Variants in IQCM observed in about 807,000 individuals in gnomAD.
The protein encoded by IQCM is IQ motif containing M.
Under a neutral mutation model 57.6 loss-of-function variants are expected in IQCM, and 45 were observed. The observed-to-expected ratio is 0.78, with a 90% CI of 0.62 to 1.00. The LOEUF (loss-of-function observed/expected upper bound fraction) is 1.00. Ranked by LOEUF, IQCM falls within the 50% of genes least tolerant of loss-of-function variation. The pLI is 0.00. For synonymous variants in IQCM, 148 were observed against 158.9 expected (o/e 0.93, Z 0.51); for missense variants, 468 against 511.6 (o/e 0.91, Z 0.82).
intron 12 of IQCM, among the ~76,000 whole-genome samples, chr4:149,498,393 A>G (rs1579269975): frequency 6.6e-6 from 1 of 152,130 alleles, no homozygotes; most frequent in African/African-American, 2.4e-5. Flanking sequence ...CATCACTTCC[A>G]TTATGGTGTG....
At chr4:149,474,944 G>A (rs1009706801) in intron 12 of IQCM, among the ~76,000 whole-genome samples, 1 of 151,840 alleles carries the variant, frequency 6.6e-6, no homozygotes, top group African/African-American at 2.4e-5. Flanking sequence ...ATAAGAGTTG[G>A]AGTCAGAGTG....
intron 2 of IQCM, among the ~76,000 whole-genome samples, chr4:149,807,012 G>T (rs1171613784): frequency 6.6e-6 from 1 of 151,428 alleles, no homozygotes; most frequent in African/African-American, 2.4e-5. Context: ...AATTGAAGAG[G>T]ACACAAAAAA....
At chr4:149,701,607 C>G (rs147526423) in intron 5 of IQCM, among the ~76,000 whole-genome samples, 49 of 152,112 alleles carry the variant, frequency 3.2e-4, no homozygotes, top group African/African-American at 1.0e-3. Context: ...GTCTCACACG[C>G]TCTGGCACTT....
chr4:149,582,778 A>G (rs1752327797), intron 9 of IQCM, among the ~76,000 whole-genome samples: 1 of 151,692 alleles, frequency 6.6e-6, no homozygotes. Flanking sequence ...AGAAGAATCA[A>G]TTGACAAAAG....
At chr4:149,466,306 G>T (rs567986399) in intron 12 of IQCM, among the ~76,000 whole-genome samples, 1 of 152,202 alleles carries the variant, frequency 6.6e-6, no homozygotes, top group South Asian at 2.1e-4. Context: ...CATAATTGAG[G>T]TCTAACAATA....
chr4:149,735,076 T>G (rs1468234206), intron 4 of IQCM, among the ~76,000 whole-genome samples: 4 of 152,170 alleles, frequency 2.6e-5, no homozygotes, highest in African/African-American at 4.8e-5. Flanking sequence ...AAAGGGATAT[T>G]TATGTGACAT....
chr4:149,570,072 A>G (rs1751014714), intron 9 of IQCM, among the ~76,000 whole-genome samples: 2 of 152,018 alleles, frequency 1.3e-5, no homozygotes, highest in African/African-American at 2.4e-5. Flanking sequence ...CATATATATA[A>G]TAAGTTAATA....
At chr4:149,638,838 C>G (rs1579805237) in intron 7 of IQCM, among the ~76,000 whole-genome samples, 1 of 152,188 alleles carries the variant, frequency 6.6e-6, no homozygotes, top group South Asian at 2.1e-4. Flanking sequence ...GAAATACTAA[C>G]CTGGACAGAA....
chr4:149,367,439 T>C (rs1729920693), intron 13 of IQCM, among the ~76,000 whole-genome samples: 1 of 151,992 alleles, frequency 6.6e-6, no homozygotes, highest in African/African-American at 2.4e-5. Flanking sequence ...TATCATACTA[T>C]TCACATTTTG....
At chr4:149,491,203 G>C (rs981711772) in intron 12 of IQCM, among the ~76,000 whole-genome samples, 2 of 151,916 alleles carry the variant, frequency 1.3e-5, no homozygotes, top group Admixed American at 6.6e-5. Flanking sequence ...TATTGTGTAT[G>C]TGTTGTTTTG....
chr4:149,672,975 A>G (rs545357702), intron 7 of IQCM, among the ~76,000 whole-genome samples: 3 of 152,336 alleles, frequency 2.0e-5, no homozygotes, highest in South Asian at 4.1e-4. Flanking sequence ...AATATTCAAC[A>G]TTATTAAATA....
intron 13 of IQCM, among the ~76,000 whole-genome samples, chr4:149,387,020 T>C (rs951673302): frequency 2.0e-5 from 3 of 152,084 alleles, no homozygotes; most frequent in Admixed American, 2.0e-4. Flanking sequence ...CTAAAATAGA[T>C]ATGGATTCGA....
At chr4:149,803,810 T>C (rs1177160886) in intron 2 of IQCM, among the ~76,000 whole-genome samples, 1 of 152,022 alleles carries the variant, frequency 6.6e-6, no homozygotes, top group Admixed American at 6.6e-5. Flanking sequence ...ATTTCTTAAA[T>C]AGGGTCTGAG....
At chr4:149,545,920 T>A (rs1396622478) in intron 12 of IQCM, among the ~76,000 whole-genome samples, 2 of 152,166 alleles carry the variant, frequency 1.3e-5, no homozygotes, top group Non-Finnish European at 2.9e-5. Context: ...CTGCACCCGT[T>A]AACTCGTCCT....
intron 12 of IQCM, among the ~76,000 whole-genome samples, chr4:149,535,456 G>C (rs549624965): frequency 6.6e-6 from 1 of 151,858 alleles, no homozygotes; most frequent in African/African-American, 2.4e-5. Flanking sequence ...GTGGCTCTCC[G>C]CATGTTACGA....
chr4:149,414,303 C>A (rs559331740), intron 13 of IQCM, among the ~76,000 whole-genome samples: 24 of 152,258 alleles, frequency 1.6e-4, no homozygotes, highest in African/African-American at 5.5e-4. Context: ...TCTACTGTAT[C>A]TTCTTCATAA....
At chr4:149,779,346 A>G (rs948517953) in intron 2 of IQCM, among the ~76,000 whole-genome samples, 1 of 152,224 alleles carries the variant, frequency 6.6e-6, no homozygotes, top group Non-Finnish European at 1.5e-5. Context: ...GGGAAGAATT[A>G]AAGTATATCC....
At chr4:149,616,535 T>A (rs1755805394) in intron 8 of IQCM, among the ~76,000 whole-genome samples, 1 of 152,160 alleles carries the variant, frequency 6.6e-6, no homozygotes, top group Admixed American at 6.6e-5. Context: ...ACAATGTGAT[T>A]GTGATAAATG....
At chr4:149,549,280 C>A (rs1748772751) in intron 11 of IQCM, among the ~76,000 whole-genome samples, 1 of 152,098 alleles carries the variant, frequency 6.6e-6, no homozygotes, top group South Asian at 2.1e-4. Context: ...CTTTGGGAGG[C>A]CGAGGCGGGC....
Sources: gnomAD v4.1 joint callset for allele counts (sites outside exome capture counted in the v4.1 genomes callset) on GRCh38, gnomAD v4.1.1 for gene constraint, MANE v1.5 for transcripts, NCBI Gene and HGNC (gene_info 2026-07-23, HGNC 2026-07-21) for gene names.